Variants in PALM observed in about 807,000 individuals in gnomAD.
PALM encodes the protein paralemmin-1.
Under a neutral mutation model 30.7 loss-of-function variants are expected in PALM, and 18 were observed. The ratio of observed to expected loss-of-function variants is 0.59; its 90% confidence interval spans 0.41 to 0.87. PALM has a LOEUF of 0.87. Ranked by LOEUF, PALM falls within the 40% of genes least tolerant of loss-of-function variation. PALM has a pLI of 0.00. For missense variants in PALM, 529 were observed against 555.4 expected, an observed-to-expected ratio of 0.95 and a Z score of 0.48; for synonymous variants, 286 against 242.8, an observed-to-expected ratio of 1.18 and a Z score of -1.66.
intron 8 of PALM, among the ~76,000 whole-genome samples, chr19:743,478 GAC>G (rs2033249705): frequency 6.6e-6 from 1 of 152,228 alleles, no homozygotes. Flanking sequence ...GCCTGATCCA[GAC>G]ACACCCCACC....
rs989820534 is a variant in PALM at position 709,214 on chromosome 19, G to T, written c.5+63G>T. 14 of 307,602 alleles carry T rather than the reference G, an allele frequency of 4.6e-5. No individual in the cohort carries two copies. The highest frequency in any genetic ancestry group is 6.0e-5 in the Non-Finnish European group (10 of 167,244). 19.1% of individuals were successfully genotyped at this position (307,602 alleles called of 1,614,324 possible). The stretch of plus-strand genomic sequence containing the variant: ...GGAGCTCCGGGAGCCGGGGAGGGGG[G>T]AGGCCCCCTCTCTCGCGCCCCATTG... On this transcript the variant is annotated intron_variant, in intron 1 of 8. Transcript: ENST00000338448. This position sits in a 1 kb window ranked among gnomAD's most constrained non-coding sequence, Gnocchi z 4.3.
chr19:718,758 G>A (rs535417743), intron 1 of PALM, among the ~76,000 whole-genome samples: 29 of 120,300 alleles, frequency 2.4e-4, no homozygotes, highest in Non-Finnish European at 7.9e-5. Flanking sequence ...GCCTGGAGGA[G>A]GTGGCTGTGC....
chr19:743,645 A>AC (rs541843534), intron 8 of PALM, among the ~76,000 whole-genome samples: 95 of 151,722 alleles, frequency 6.3e-4, no homozygotes, highest in Middle Eastern at 3.4e-3. Flanking sequence ...AGTCCCTGGG[A>AC]CCCCCCTTGC....
rs2032376889 is a variant in PALM, at chr19:719,339, C to T, written c.6-6799C>T. The T allele has an allele frequency of 6.1e-6, 6 of 985,402 alleles. No individual in the cohort carries two copies. The South Asian group carries it at 2.8e-4, about 46-fold the overall frequency. The allele number at this position is 985,402 out of a possible 1,614,324, so 61.0% of individuals were successfully genotyped here. ...CGGGGCTCCCGTCGGGTTTGGGCCT[C>T]ATGAACTCATCTCCTGGAGCAGGAC... On this transcript the variant is annotated intron_variant, in intron 1 of 8. Coordinates refer to ENST00000338448, the MANE Select transcript of PALM (RefSeq NM_002579.3).
chr19:734,356 T>C, intron 6 of PALM, 162 bp downstream of exon 6: 1 of 648,338 alleles, frequency 1.5e-6, no homozygotes, highest in Non-Finnish European at 2.7e-6. Flanking sequence ...GGTCAGGAGT[T>C]CGAGACCAGC....
intron 7 of PALM, among the ~76,000 whole-genome samples, chr19:737,301 T>C (rs2033051766): frequency 6.6e-6 from 1 of 152,194 alleles, no homozygotes. Context: ...CCGTGGCCAC[T>C]GACTTTGTGC....
intron 1 of PALM, among the ~76,000 whole-genome samples, chr19:725,384 C>A (rs1365538907): frequency 6.6e-6 from 1 of 151,742 alleles, no homozygotes; most frequent in Non-Finnish European, 1.5e-5. Flanking sequence ...CATGGTGAAA[C>A]CCCTGTCTCT....
chr19:736,281 C>G lies in PALM; in HGVS notation c.502+203C>G. ...GCCCCCTCTGCTTTGTTGCCCTGGTCCCACGCCGGCCCACGCTTCCCCGAG... is the reference window on the plus strand; with the variant it reads ...GCCCCCTCTGCTTTGTTGCCCTGGTGCCACGCCGGCCCACGCTTCCCCGAG... On this transcript the variant is annotated intron_variant, in intron 7 of 8. Coordinates refer to ENST00000338448, the MANE Select transcript of PALM (RefSeq NM_002579.3). 3 of 522,160 alleles carry G rather than the reference C, an allele frequency of 5.7e-6. No individual in the cohort carries two copies. The South Asian group carries it at 7.6e-5, about 13-fold the overall frequency. 32.3% of individuals were successfully genotyped at this position (522,160 alleles called of 1,614,324 possible).
At chr19:715,705 G>C in intron 1 of PALM, among the ~76,000 whole-genome samples, 1 of 152,186 alleles carries the variant, frequency 6.6e-6, no homozygotes, top group Non-Finnish European at 1.5e-5. Flanking sequence ...CAAAAAAGGC[G>C]CTGGCAGCTG....
rs1253948734 is a variant in PALM, at chr19:709,910, G to GTGT, written c.5+761_5+762insTTG. ...CCCCCGCATGGCTGCGCCTGTGTGT[G>GTGT]TGGGGGGGGGGTGGCCAGTGGAGGC... On this transcript the variant is annotated intron_variant, in intron 1 of 8. Coordinates refer to ENST00000338448, the MANE Select transcript of PALM (RefSeq NM_002579.3). The surrounding 1 kb of genome is among the most constrained non-coding windows in gnomAD (Gnocchi z 4.3). 3.6e-5 allele frequency among the ~76,000 whole-genome samples: 5 copies of GTGT among 137,060 alleles called. No homozygotes were observed. Among genetic ancestry groups the GTGT allele is most frequent in the African/African-American group, 1.2e-4 (4 of 33,244 alleles). The allele number at this position is 137,060 out of a possible 152,430, so 89.9% of individuals were successfully genotyped here.
At chr19:729,256 G>T (rs1432308116) in intron 4 of PALM, among the ~76,000 whole-genome samples, 2 of 151,530 alleles carry the variant, frequency 1.3e-5, no homozygotes, top group African/African-American at 4.8e-5. Flanking sequence ...AACCCAGGAG[G>T]CGGAGGTTTC....
intron 4 of PALM, 75 bp from the exon 5 acceptor site, chr19:731,020 A>T (rs1178747057): frequency 1.1e-6 from 1 of 909,554 alleles, no homozygotes; most frequent in African/African-American, 1.7e-5. Flanking sequence ...GACACTGGGG[A>T]GCTGTCGTAC....
Position 734,200 on chromosome 19 carries a change from A to G in PALM, c.442+6A>G, listed in dbSNP as rs369913874. 9 of 1,613,430 alleles carry G rather than the reference A, an allele frequency of 5.6e-6. No homozygotes were observed. The highest frequency in any genetic ancestry group is 7.6e-6 in the Non-Finnish European group (9 of 1,179,712). ...GCCGGTGGGCACGCCCAAAGGTAGG[A>G]CCTCTGGAAGGAACTCGTGGGGCCT... is the stretch of plus-strand genomic sequence containing the variant. On this transcript the variant is annotated splice_donor_region_variant and intron_variant, in intron 6 of 8. Transcript: ENST00000338448.
intron 1 of PALM, among the ~76,000 whole-genome samples, chr19:722,136 T>C (rs1240834780): frequency 6.6e-6 from 1 of 151,636 alleles, no homozygotes; most frequent in African/African-American, 2.4e-5. Context: ...GCCAGGATGG[T>C]CTCGATCTCC....
intron 4 of PALM, among the ~76,000 whole-genome samples, chr19:729,464 T>A (rs927755344): frequency 8.0e-6 from 1 of 125,686 alleles, no homozygotes; most frequent in Non-Finnish European, 1.6e-5. Context: ...GCGTCTTTTT[T>A]TTTTTTTTTT....
chr19:710,535 G>A (rs565891651), intron 1 of PALM, among the ~76,000 whole-genome samples: 3 of 152,302 alleles, frequency 2.0e-5, no homozygotes, highest in Non-Finnish European at 2.9e-5. Context: ...GAGGACGACG[G>A]AGATCTCCCT....
chr19:741,843 CTTTT>C (rs2033205796), intron 8 of PALM, among the ~76,000 whole-genome samples: 1 of 152,046 alleles, frequency 6.6e-6, no homozygotes, highest in African/African-American at 2.4e-5. Context: ...CTTTCTTTTT[CTTTT>C]TATTTATTTA....
At chr19:743,351 CT>C (rs147190014) in intron 8 of PALM, among the ~76,000 whole-genome samples, 4,444 of 152,288 alleles carry the variant, frequency 0.029, 226 homozygotes, top group African/African-American at 0.1. Context: ...GATTCCAGAC[CT>C]GCCAGGCTGG....
Position 740,455 on chromosome 19 carries a change from C to A in PALM, c.606C>A (p.Gly202=), listed in dbSNP as rs2033155344. The change falls in exon 8 of 9, where the codon GGC becomes GGA. Residue 202 remains glycine, a synonymous_variant. Transcript: ENST00000338448. The part of the protein sequence containing the change: ...TLLPRQPLPL[G]IKVYEDETKV... The stretch of plus-strand genomic sequence containing the variant: ...TCCCTCGGCAGCCGCTCCCTCTGGG[C>A]ATCAAAGTCTACGAGGACGAGACCA... The A allele has an allele frequency of 1.3e-6, 2 of 1,552,286 alleles. No individual in the cohort carries two copies. Among genetic ancestry groups the A allele is most frequent in the Non-Finnish European group, 1.7e-6 (2 of 1,147,504 alleles).
Sources: allele counts gnomAD v4.1 joint callset (sites outside exome capture counted in the v4.1 genomes callset), GRCh38; gene constraint gnomAD v4.1.1; non-coding constraint Gnocchi (gnomAD v3.1); transcripts MANE v1.5; gene names NCBI Gene and HGNC (gene_info 2026-07-23, HGNC 2026-07-21).